The following RPE65 variants were observed in gnomAD, a reference collection of about 807,000 sequenced individuals.
RPE65 encodes retinoid isomerohydrolase RPE65, also known as retinoid isomerohydrolase.
In RPE65, 58 loss-of-function variants were observed where a neutral mutation model predicts 68.5. The observed-to-expected ratio is 0.85, with a 90% CI of 0.69 to 1.05. The LOEUF (loss-of-function observed/expected upper bound fraction) is 1.05, where lower values mean the gene tolerates loss of function less well. Among genes scored for constraint, RPE65 ranks in the 50% least tolerant of loss-of-function variants. The pLI, the probability that RPE65 is intolerant of heterozygous loss-of-function variation, is 0.00. For synonymous variants in RPE65, 220 were observed against 222.2 expected, an observed-to-expected ratio of 0.99 and a Z score of 0.09; for missense variants, 643 against 629.9, an observed-to-expected ratio of 1.02 and a Z score of -0.22.
At position 68,439,547 on chromosome 1, in the gene RPE65, G is replaced by A. The variant is rs1285446703; in HGVS notation, c.725+14C>T. ...TGAGTTTTCCTGAAGATTCATAGCA[G>A]GCCTTCAAGTTACCTATGAACGTAA... On this transcript the variant is annotated intron_variant, in intron 7 of 13. Transcript: ENST00000262340. 1.2e-6 allele frequency: 2 copies of A among 1,611,596 alleles called. No homozygotes were observed. The highest frequency in any genetic ancestry group is 3.3e-5 in the Admixed American group (2 of 60,012).
chr1:68,438,846 T>A, intron 9 of RPE65, 96 bp downstream of exon 9: 1 of 1,467,452 alleles, frequency 6.8e-7, no homozygotes, highest in Non-Finnish European at 9.5e-7. Context: ...CTTGCTGTTT[T>A]AGATGTGATT....
In RPE65 at chr1:68,429,706, G is replaced by T; in HGVS notation, c.*70C>A. ...ACATATAGCAGGCTAAAATTGAACA[G>T]AATTTGATTGCAGACCTGAAGCTGA... On this transcript the variant is annotated 3_prime_UTR_variant, in exon 14 of 14. Coordinates refer to ENST00000262340, the MANE Select transcript of RPE65 (RefSeq NM_000329.3). 1 of 1,597,516 alleles carries T rather than the reference G, an allele frequency of 6.3e-7. No individual in the cohort carries two copies. The highest frequency in any genetic ancestry group is 8.6e-7 in the Non-Finnish European group (1 of 1,167,870).
At chr1:68,442,714 TA>T (rs954223094) in intron 5 of RPE65, among the ~76,000 whole-genome samples, 2 of 152,190 alleles carry the variant, frequency 1.3e-5, no homozygotes, top group African/African-American at 4.8e-5. Flanking sequence ...TATTTCTAAT[TA>T]AAATATCATG....
At position 68,431,318 on chromosome 1, in the gene RPE65, C is replaced by G. The variant is rs62636301; in HGVS notation, c.1302G>C (p.Ala434=). The G allele has an allele frequency of 1.5e-3, 2,487 of 1,613,908 alleles. 34 individuals are homozygous for G. In the African/African-American group the frequency reaches 0.027, roughly 18 times the overall value. ...QKYCGKPYTY[A]YGLGLNHFVP... is the part of the protein sequence containing the mutation. The stretch of plus-strand genomic sequence containing the variant: ...CAAAGTGATTCAAGCCAAGTCCATA[C>G]GCATATGTGTAAGGTTTCCCACAAT... The change falls in exon 12 of 14, where the codon GCG becomes GCC. Residue 434 remains alanine, a synonymous_variant. Coordinates refer to ENST00000262340, the MANE Select transcript of RPE65 (RefSeq NM_000329.3).
At chr1:68,438,813 A>T in intron 9 of RPE65, 129 bp downstream of exon 9, 1 of 1,175,362 alleles carries the variant, frequency 8.5e-7, no homozygotes, top group East Asian at 2.3e-5. Context: ...TTTTCCAATT[A>T]CATTTTTGAC....
chr1:68,439,020 G>A lies in RPE65; in HGVS notation c.920C>T (p.Ser307Phe), dbSNP rs1261473838. Residue 307 changes from serine (S) to phenylalanine (F), a missense_variant, in exon 9 of 14, where the codon TCT becomes TTT. Coordinates refer to ENST00000262340, the MANE Select transcript of RPE65 (RefSeq NM_000329.3). The part of the protein sequence containing the change: ...KKYLNNKYRT[S>F]PFNLFHHINT... ...GATGTGATGGAAGAGGTTGAAAGGA[G>A]AAGTTCTGTATTTATTATTGAGGTA... is the stretch of plus-strand genomic sequence containing the variant. The A allele has an allele frequency of 3.7e-6, 6 of 1,614,102 alleles. No homozygotes were observed. Among genetic ancestry groups the A allele is most frequent in the Non-Finnish European group, 4.2e-6 (5 of 1,179,944 alleles).
chr1:68,446,231 C>T (rs1645941930), intron 3 of RPE65, among the ~76,000 whole-genome samples: 1 of 152,012 alleles, frequency 6.6e-6, no homozygotes, highest in African/African-American at 2.4e-5. Context: ...TCCCAGTGGC[C>T]TTTCCAATTT....
chr1:68,442,802 T>C (rs1245466139), intron 5 of RPE65, among the ~76,000 whole-genome samples: 1 of 152,172 alleles, frequency 6.6e-6, no homozygotes, highest in Admixed American at 6.5e-5. Flanking sequence ...CTAAAGGAGC[T>C]ACACACACAC....
intron 5 of RPE65, among the ~76,000 whole-genome samples, chr1:68,444,026 T>G (rs1440093168): frequency 2.6e-5 from 4 of 152,202 alleles, no homozygotes; most frequent in Non-Finnish European, 1.5e-5. Context: ...GTAGCTATAA[T>G]TTTTTGAGCA....
chr1:68,431,625 G>T (rs1353608259), intron 10 of RPE65, 40 bp from the exon 11 acceptor site: 3 of 1,534,606 alleles, frequency 2.0e-6, no homozygotes, highest in African/African-American at 2.7e-5. Flanking sequence ...GAGCAGGAAA[G>T]AATTCAAACA....
chr1:68,442,119 G>GA (rs1645908149), intron 5 of RPE65, among the ~76,000 whole-genome samples: 1 of 152,204 alleles, frequency 6.6e-6, no homozygotes, highest in Admixed American at 6.5e-5. Flanking sequence ...CATTATTGCA[G>GA]AAAGTTCTAT....
At chr1:68,434,978 A>G (rs988540488) in intron 10 of RPE65, among the ~76,000 whole-genome samples, 6 of 152,120 alleles carry the variant, frequency 3.9e-5, no homozygotes, top group African/African-American at 1.2e-4. Flanking sequence ...CAGATACTCA[A>G]CTGCTTACCT....
intron 10 of RPE65, among the ~76,000 whole-genome samples, chr1:68,432,977 A>G (rs1313254166): frequency 1.3e-5 from 2 of 152,302 alleles, no homozygotes; most frequent in South Asian, 2.1e-4. Context: ...GGCATCAAGC[A>G]TAACACCAAG....
intron 2 of RPE65, 85 bp downstream of exon 2, chr1:68,448,539 C>G (rs1645958625): frequency 3.1e-6 from 4 of 1,271,108 alleles, no homozygotes; most frequent in Non-Finnish European, 4.6e-6. Context: ...CAGGGGGAGT[C>G]TGCACTGAGA....
At chr1:68,439,444 T>A (rs755775272) in intron 7 of RPE65, 117 bp downstream of exon 7, 1 of 1,550,926 alleles carries the variant, frequency 6.4e-7, no homozygotes, top group Non-Finnish European at 8.9e-7. Flanking sequence ...AAATTAATTA[T>A]GTTTAAATTT....
intron 6 of RPE65, among the ~76,000 whole-genome samples, chr1:68,440,267 C>G (rs1171676768): frequency 6.6e-6 from 1 of 152,120 alleles, no homozygotes; most frequent in Non-Finnish European, 1.5e-5. Context: ...CTAAATAATA[C>G]TAAACAAAAA....
In RPE65 at chr1:68,431,067, T is replaced by A. The variant is rs1355211931; in HGVS notation, c.1448A>T (p.Asp483Val). ...GACACAACAATTGCTTTCATTACCA[T>A]CATCTTCTTCCAAGGCATCTGGGTG... ...VSHPDALEED[D>V]GVVLSVVVSP... The change falls in exon 13 of 14, where the codon GAT becomes GTT. Residue 483 changes from aspartate (D) to valine (V), a missense_variant and splice_region_variant. Transcript: ENST00000262340. 1 of 1,612,780 alleles carries A rather than the reference T, an allele frequency of 6.2e-7. No homozygotes were observed. Among genetic ancestry groups the A allele is most frequent in the Admixed American group, 1.7e-5 (1 of 59,974 alleles).
chr1:68,447,644 G>A (rs1369521618), intron 2 of RPE65, among the ~76,000 whole-genome samples: 1 of 152,168 alleles, frequency 6.6e-6, no homozygotes, highest in East Asian at 1.9e-4. Flanking sequence ...GGCGGATCAC[G>A]AGGTCAGGAG....
chr1:68,430,825 G>A (rs1284300847), intron 13 of RPE65, among the ~76,000 whole-genome samples: 1 of 152,080 alleles, frequency 6.6e-6, no homozygotes, highest in East Asian at 1.9e-4. Flanking sequence ...AGCAGACATT[G>A]ATGCTCCATC....
Sources: gnomAD v4.1 joint callset for allele counts (sites outside exome capture counted in the v4.1 genomes callset) on GRCh38, gnomAD v4.1.1 for gene constraint, MANE v1.5 for transcripts, NCBI Gene and HGNC (gene_info 2026-07-23, HGNC 2026-07-21) for gene names.